SELENOF: variants seen among roughly 807,000 people sequenced by gnomAD.
SELENOF encodes the protein selenoprotein F, also known as 15 kDa selenoprotein.
In SELENOF, 16 loss-of-function variants were observed where a neutral mutation model predicts 20.5. That is an observed-to-expected ratio of 0.78 (90% CI 0.53 to 1.19). The LOEUF (loss-of-function observed/expected upper bound fraction) is 1.19. SELENOF is among the 50% of genes most tolerant of loss of function. SELENOF has a pLI of 0.00. For missense variants in SELENOF, 215 were observed against 194.2 expected, an observed-to-expected ratio of 1.11 and a Z score of -0.64; for synonymous variants, 78 against 74.5, an observed-to-expected ratio of 1.05 and a Z score of -0.24.
At chr1:86,905,773 G>C (rs76598392) in intron 1 of SELENOF, among the ~76,000 whole-genome samples, 1 of 152,152 alleles carries the variant, frequency 6.6e-6, no homozygotes. Context: ...TTATGTGAAG[G>C]GCCAGATAAT....
At chr1:86,913,149 G>A (rs1660032327) in intron 1 of SELENOF, among the ~76,000 whole-genome samples, 1 of 152,164 alleles carries the variant, frequency 6.6e-6, no homozygotes, top group Non-Finnish European at 1.5e-5. Context: ...GGTGTTCATA[G>A]AGGACTCCGG....
chr1:86,910,264 G>A (rs1342253017), intron 1 of SELENOF, among the ~76,000 whole-genome samples: 10 of 152,212 alleles, frequency 6.6e-5, no homozygotes, highest in Non-Finnish European at 1.5e-4. Context: ...GAAAAAGGCT[G>A]TGTATGATGG....
At chr1:86,872,329 T>C (rs1008735546) in intron 3 of SELENOF, among the ~76,000 whole-genome samples, 1 of 152,158 alleles carries the variant, frequency 6.6e-6, no homozygotes, top group South Asian at 2.1e-4. Flanking sequence ...AATACATTTC[T>C]AATAGGCTGT....
intron 2 of SELENOF, among the ~76,000 whole-genome samples, chr1:86,891,807 AT>A (rs2102105742): frequency 6.6e-6 from 1 of 152,328 alleles, no homozygotes; most frequent in South Asian, 2.1e-4. Context: ...AAAGATAATA[AT>A]GGAATTTACC....
intron 2 of SELENOF, among the ~76,000 whole-genome samples, chr1:86,881,406 A>C (rs890500693): frequency 2.6e-5 from 4 of 152,226 alleles, no homozygotes; most frequent in African/African-American, 9.6e-5. Context: ...GCTGAAATGG[A>C]TTCAATGGTA....
chr1:86,863,878 A>G (rs975047196), intron 4 of SELENOF, among the ~76,000 whole-genome samples: 2 of 152,148 alleles, frequency 1.3e-5, no homozygotes, highest in Admixed American at 6.6e-5. Context: ...GTAGTGGCAC[A>G]ATCTCAGCTC....
At position 86,862,675 on chromosome 1, in the gene SELENOF, C is replaced by G. The variant is rs936311864; in HGVS notation, c.*799G>C. The stretch of plus-strand genomic sequence containing the variant: ...ATGAAAAAAATGCATTGAAAAACAT[C>G]ATTTTTAAACATGAAAGAACAAACC... On this transcript the variant is annotated 3_prime_UTR_variant, in exon 5 of 5. Transcript: ENST00000331835. The G allele has an allele frequency of 2.0e-5, 3 of 152,130 alleles. No homozygotes were observed. Among genetic ancestry groups the G allele is most frequent in the Middle Eastern group, 3.2e-3 (1 of 316 alleles). 9.4% of individuals were successfully genotyped at this position (152,130 alleles called of 1,614,324 possible).
In SELENOF at chr1:86,908,798, T is replaced by C. The variant is rs573587865; in HGVS notation, c.84+5230A>G. On this transcript the variant is annotated intron_variant, in intron 1 of 4. Coordinates refer to ENST00000331835, the MANE Select transcript of SELENOF (RefSeq NM_004261.5). Reference sequence around the variant, plus strand: ...CATGATCTGAATGAAGGATTGAATATCATCACTTAGTTCTGGGGAGCGTTA... The same window carrying C: ...CATGATCTGAATGAAGGATTGAATACCATCACTTAGTTCTGGGGAGCGTTA... Among the ~76,000 whole-genome samples the C allele has an allele frequency of 5.3e-5, 8 of 152,314 alleles. No homozygotes were observed. In the South Asian group the frequency reaches 1.7e-3, roughly 32 times the overall value.
intron 4 of SELENOF, among the ~76,000 whole-genome samples, chr1:86,865,712 A>G (rs1305299698): frequency 6.6e-6 from 1 of 152,214 alleles, no homozygotes; most frequent in East Asian, 1.9e-4. Context: ...AACAGTATAG[A>G]GGTTCCTCAA....
chr1:86,864,496 G>T (rs1658542355), intron 4 of SELENOF, among the ~76,000 whole-genome samples: 1 of 152,184 alleles, frequency 6.6e-6, no homozygotes, highest in African/African-American at 2.4e-5. Flanking sequence ...TTCTGGGGTT[G>T]TGAACTCCAA....
At chr1:86,877,736 C>A (rs1046545892) in intron 3 of SELENOF, among the ~76,000 whole-genome samples, 4 of 152,138 alleles carry the variant, frequency 2.6e-5, no homozygotes, top group African/African-American at 7.2e-5. Context: ...CGGAGGCCCA[C>A]GGGCCAAATC....
At chr1:86,878,658 G>A (rs1049744442) in intron 3 of SELENOF, among the ~76,000 whole-genome samples, 4 of 152,134 alleles carry the variant, frequency 2.6e-5, no homozygotes, top group Non-Finnish European at 5.9e-5. Flanking sequence ...CTCCAGTGTG[G>A]GCGACAGTGA....
chr1:86,880,760 T>C (rs1659047458), intron 2 of SELENOF, 35 bp from the exon 3 acceptor site: 2 of 1,315,006 alleles, frequency 1.5e-6, no homozygotes, highest in Non-Finnish European at 2.1e-6. Flanking sequence ...AAAAAACTGG[T>C]ATAAATTAAA....
At chr1:86,914,421 C>T (rs1287621119), upstream of SELENOF, 33 of 437,334 alleles carry the variant, frequency 7.5e-5, no homozygotes, top group South Asian at 1.2e-4. Flanking sequence ...CCGCCTTCTT[C>T]TCCAAGTTTA....
chr1:86,885,795 T>TA (rs1421161292), intron 2 of SELENOF, among the ~76,000 whole-genome samples: 2 of 152,212 alleles, frequency 1.3e-5, no homozygotes, highest in Non-Finnish European at 2.9e-5. Context: ...ACAAGCAGTA[T>TA]GCCCCCTTGG....
At chr1:86,910,595 T>TTGGGAGGCTGAGGCAGGAGACTGGC (rs377742981) in intron 1 of SELENOF, among the ~76,000 whole-genome samples, 35,640 of 149,474 alleles carry the variant, frequency 0.24, 4,832 homozygotes, top group African/African-American at 0.38. Context: ...TCCCAGCTAC[T>TTGGGAGGCTGAGGCAGGAGACTGGC]TGGGAGGCTG....
chr1:86,898,582 T>TC (rs1343991895), intron 2 of SELENOF, among the ~76,000 whole-genome samples: 2 of 79,576 alleles, frequency 2.5e-5, no homozygotes, highest in Non-Finnish European at 4.8e-5. Context: ...CTCTTCTTCT[T>TC]TTTTTTTTTT....
At chr1:86,887,632 T>C (rs1266609940) in intron 2 of SELENOF, among the ~76,000 whole-genome samples, 2 of 152,188 alleles carry the variant, frequency 1.3e-5, no homozygotes, top group South Asian at 2.1e-4. Flanking sequence ...ATTCTAACTA[T>C]GAAACCTGAA....
intron 2 of SELENOF, among the ~76,000 whole-genome samples, chr1:86,902,045 G>T (rs1226258399): frequency 6.6e-6 from 1 of 152,182 alleles, no homozygotes; most frequent in African/African-American, 2.4e-5. Flanking sequence ...GGCTCATACA[G>T]ATTTATTCAG....
Sources: allele counts gnomAD v4.1 joint callset (sites outside exome capture counted in the v4.1 genomes callset), GRCh38; gene constraint gnomAD v4.1.1; transcripts MANE v1.5; gene names NCBI Gene and HGNC (gene_info 2026-07-23, HGNC 2026-07-21).